The following PIP5K1B variants were observed in gnomAD, a reference collection of about 807,000 sequenced individuals.
The protein encoded by PIP5K1B is phosphatidylinositol 4-phosphate 5-kinase type-1 beta.
Under a neutral mutation model 67.0 loss-of-function variants are expected in PIP5K1B, and 42 were observed. The ratio of observed to expected loss-of-function variants is 0.63; its 90% CI spans 0.49 to 0.81. The LOEUF (loss-of-function observed/expected upper bound fraction) is 0.81. Ranked by LOEUF, PIP5K1B falls within the 30% of genes least tolerant of loss-of-function variation. The pLI, the probability that PIP5K1B is intolerant of heterozygous loss-of-function variation, is 0.00. For missense variants in PIP5K1B, 459 were observed against 646.3 expected (o/e 0.71, Z 3.14); for synonymous variants, 214 against 231.4 (o/e 0.92, Z 0.68).
intron 11 of PIP5K1B, among the ~76,000 whole-genome samples, chr9:68,921,451 A>G (rs1826398381): frequency 6.6e-6 from 1 of 152,190 alleles, no homozygotes; most frequent in African/African-American, 2.4e-5. Flanking sequence ...TCGAACATTG[A>G]AGGGGAGAGA....
chr9:68,982,827 A>G (rs1356684673), intron 14 of PIP5K1B, among the ~76,000 whole-genome samples: 1 of 151,980 alleles, frequency 6.6e-6, no homozygotes, highest in Non-Finnish European at 1.5e-5. Context: ...GCTGTAGACT[A>G]TGGATGCATT....
intron 2 of PIP5K1B, among the ~76,000 whole-genome samples, chr9:68,812,602 A>C (rs776197175): frequency 1.3e-5 from 2 of 152,252 alleles, no homozygotes; most frequent in Non-Finnish European, 2.9e-5. Context: ...CTAAGGAGAC[A>C]TGAACCTTGT....
chr9:68,798,382 C>A (rs760802423), intron 2 of PIP5K1B, among the ~76,000 whole-genome samples: 13 of 152,134 alleles, frequency 8.5e-5, no homozygotes, highest in Non-Finnish European at 1.8e-4. Context: ...CTGCTGGCTT[C>A]ATGGAGTTTA....
intron 2 of PIP5K1B, among the ~76,000 whole-genome samples, chr9:68,745,672 A>G (rs1415133462): frequency 2.0e-5 from 3 of 152,088 alleles, no homozygotes; most frequent in African/African-American, 7.2e-5. Flanking sequence ...CCATCCAGGA[A>G]GCTCCCTCTC....
At chr9:68,720,566 T>G (rs962915026) in intron 1 of PIP5K1B, among the ~76,000 whole-genome samples, 2 of 152,228 alleles carry the variant, frequency 1.3e-5, no homozygotes, top group African/African-American at 4.8e-5. Flanking sequence ...TCTCTGTCTC[T>G]GTGCAGCTAC....
chr9:68,970,333 C>T (rs759246186), intron 14 of PIP5K1B, among the ~76,000 whole-genome samples: 2 of 152,216 alleles, frequency 1.3e-5, no homozygotes, highest in East Asian at 1.9e-4. Flanking sequence ...CCAGGCACTA[C>T]GCCAAGTCTT....
chr9:68,909,711 C>T (rs1345941309), intron 8 of PIP5K1B, among the ~76,000 whole-genome samples: 1 of 152,128 alleles, frequency 6.6e-6, no homozygotes, highest in Admixed American at 6.5e-5. Flanking sequence ...ATTGTAGGAT[C>T]CTACAGGTTG....
chr9:68,767,103 G>A (rs184818963), intron 2 of PIP5K1B, among the ~76,000 whole-genome samples: 5 of 152,276 alleles, frequency 3.3e-5, no homozygotes, highest in African/African-American at 1.2e-4. Flanking sequence ...ATGTAAACCT[G>A]ACAGATGGTC....
At chr9:68,745,454 C>A (rs1376008633) in intron 2 of PIP5K1B, among the ~76,000 whole-genome samples, 3 of 152,226 alleles carry the variant, frequency 2.0e-5, no homozygotes, top group Non-Finnish European at 1.5e-5. Flanking sequence ...GGTATCTCAT[C>A]CATCTTAGCG....
chr9:68,978,833 G>A (rs1829753736), intron 14 of PIP5K1B, among the ~76,000 whole-genome samples: 1 of 152,146 alleles, frequency 6.6e-6, no homozygotes, highest in Non-Finnish European at 1.5e-5. Context: ...CATCCCACCA[G>A]CAAGTTCCCT....
At chr9:69,007,820 G>A (rs1241666808) in intron 15 of PIP5K1B, among the ~76,000 whole-genome samples, 1 of 151,584 alleles carries the variant, frequency 6.6e-6, no homozygotes, top group Non-Finnish European at 1.5e-5. Context: ...TCTTGCCACT[G>A]CACTCCAGCC....
At chr9:68,842,523 C>G (rs1037056992) in intron 4 of PIP5K1B, among the ~76,000 whole-genome samples, 4 of 152,316 alleles carry the variant, frequency 2.6e-5, no homozygotes, top group Non-Finnish European at 5.9e-5. Context: ...TATATGCAGA[C>G]AACAAGCATT....
intron 2 of PIP5K1B, among the ~76,000 whole-genome samples, chr9:68,810,867 AC>A (rs1833126441): frequency 6.6e-6 from 1 of 152,236 alleles, no homozygotes; most frequent in South Asian, 2.1e-4. Flanking sequence ...GATTGCACTT[AC>A]AAATTGAAAA....
At chr9:68,897,479 G>A (rs2132423661) in intron 8 of PIP5K1B, among the ~76,000 whole-genome samples, 1 of 152,306 alleles carries the variant, frequency 6.6e-6, no homozygotes, top group South Asian at 2.1e-4. Flanking sequence ...GATAGGCAAA[G>A]CAGTAGAAGC....
rs142773836 is a variant in PIP5K1B at position 68,828,783 on chromosome 9, C to G, written c.69+6100C>G. 7.8e-4 allele frequency among the ~76,000 whole-genome samples: 118 copies of G among 152,186 alleles called. 1 individual carries two copies. Among genetic ancestry groups the G allele is most frequent in the Non-Finnish European group, 7.4e-4 (50 of 68,006 alleles). On this transcript the variant is annotated intron_variant, in intron 4 of 15. Transcript: ENST00000265382. Reference sequence around the variant, plus strand: ...TGGTGGGAAACTTCTCTGTGTAAACCTTTCTATGGCCGAGCATGGTGGCTC... The same window carrying G: ...TGGTGGGAAACTTCTCTGTGTAAACGTTTCTATGGCCGAGCATGGTGGCTC...
At chr9:68,928,893 G>A (rs10114061) in intron 12 of PIP5K1B, among the ~76,000 whole-genome samples, 25,266 of 152,128 alleles carry the variant, frequency 0.17, 3,527 homozygotes, top group East Asian at 0.51. Context: ...AGCTGGGCAC[G>A]GTGGCTCACG....
intron 11 of PIP5K1B, among the ~76,000 whole-genome samples, chr9:68,920,139 C>A (rs1230194903): frequency 6.6e-6 from 1 of 152,132 alleles, no homozygotes; most frequent in African/African-American, 2.4e-5. Context: ...GCTGAACTAG[C>A]CATGTGACCA....
intron 6 of PIP5K1B, among the ~76,000 whole-genome samples, chr9:68,888,331 C>G (rs558680112): frequency 6.6e-6 from 1 of 152,318 alleles, no homozygotes; most frequent in South Asian, 2.1e-4. Flanking sequence ...CTGCATCTAC[C>G]AAGATAAAAA....
chr9:68,880,480 C>T (rs1048930836), intron 6 of PIP5K1B, among the ~76,000 whole-genome samples: 22 of 151,830 alleles, frequency 1.4e-4, no homozygotes, highest in South Asian at 2.1e-4. Context: ...ACTTGTACCC[C>T]GGAGGCAAAG....
Sources: gnomAD v4.1 joint callset for allele counts (sites outside exome capture counted in the v4.1 genomes callset) on GRCh38, gnomAD v4.1.1 for gene constraint, MANE v1.5 for transcripts, NCBI Gene and HGNC (gene_info 2026-07-23, HGNC 2026-07-21) for gene names.